The following DNAJC15 variants were observed in gnomAD, a reference collection of about 807,000 sequenced individuals.
DNAJC15 encodes the protein dnaJ homolog subfamily C member 15.
Under a neutral mutation model 22.4 loss-of-function variants are expected in DNAJC15, and 27 were observed. That is an observed-to-expected ratio of 1.20 (90% CI 0.89 to 1.66). The LOEUF (loss-of-function observed/expected upper bound fraction) is 1.66, where lower values mean the gene tolerates loss of function less well. DNAJC15 is among the 40% of genes most tolerant of loss of function. The pLI, the probability that DNAJC15 is intolerant of heterozygous loss-of-function variation, is 0.00. For missense variants in DNAJC15, 208 were observed against 187.1 expected, an observed-to-expected ratio of 1.11 and a Z score of -0.65; for synonymous variants, 79 against 63.2, an observed-to-expected ratio of 1.25 and a Z score of -1.19.
rs9590736 is a variant in DNAJC15, at chr13:43,059,488, C to T, written c.109-6198C>T. Among the ~76,000 whole-genome samples the T allele has an allele frequency of 6.4e-3, 977 of 152,236 alleles. 4 individuals are homozygous for T. The highest frequency in any genetic ancestry group is 0.022 in the African/African-American group (918 of 41,566). On this transcript the variant is annotated intron_variant, in intron 1 of 5. Transcript: ENST00000379221. ...CAAGCGATTCTCCTGTCTCAACCTC[C>T]CGAGTAGCTGGGATTACGGGCGTGC...
At position 43,078,651 on chromosome 13, in the gene DNAJC15, A is replaced by G; in HGVS notation, c.274A>G (p.Met92Val). The change falls in exon 4 of 6, where the codon ATG becomes GTG. Residue 92 changes from methionine to valine, a missense_variant. Met to Val is a conservative substitution (Grantham distance 21). Transcript: ENST00000379221. ...CTATAAAGGAGGATTTGAACAGAAAATGAGTAGGCGAGAAGCTGGTCTTAT... is the reference window on the plus strand; with the variant it reads ...CTATAAAGGAGGATTTGAACAGAAAGTGAGTAGGCGAGAAGCTGGTCTTAT... ...SYYKGGFEQK[M>V]SRREAGLILG... 6.2e-7 allele frequency: 1 copy of G among 1,613,710 alleles called. No individual in the cohort carries two copies. Among genetic ancestry groups the G allele is most frequent in the Middle Eastern group, 1.7e-4 (1 of 6,058 alleles).
At chr13:43,027,924 T>C (rs1335408791) in intron 1 of DNAJC15, among the ~76,000 whole-genome samples, 2 of 152,214 alleles carry the variant, frequency 1.3e-5, no homozygotes, top group Non-Finnish European at 1.5e-5. Flanking sequence ...CCCGAAGTGC[T>C]GGGATTTCAG....
chr13:43,069,446 A>G (rs1379999446), intron 3 of DNAJC15, among the ~76,000 whole-genome samples: 1 of 152,178 alleles, frequency 6.6e-6, no homozygotes, highest in Non-Finnish European at 1.5e-5. Flanking sequence ...TTATACCATC[A>G]TGCCTGGCCA....
intron 5 of DNAJC15, among the ~76,000 whole-genome samples, chr13:43,088,365 C>A (rs1218389806): frequency 6.6e-6 from 1 of 152,182 alleles, no homozygotes; most frequent in East Asian, 1.9e-4. Context: ...TCTGGGCTTT[C>A]TGCTCTGTCC....
intron 1 of DNAJC15, among the ~76,000 whole-genome samples, chr13:43,025,851 C>T (rs988886241): frequency 3.9e-5 from 6 of 152,264 alleles, no homozygotes; most frequent in African/African-American, 1.4e-4. Context: ...TTGCAGTGAG[C>T]GGAGATCATG....
intron 1 of DNAJC15, among the ~76,000 whole-genome samples, chr13:43,029,964 A>T (rs2040397235): frequency 6.6e-6 from 1 of 151,696 alleles, no homozygotes; most frequent in Non-Finnish European, 1.5e-5. Context: ...GAAATGTTAT[A>T]GAATGATGAA....
intron 3 of DNAJC15, among the ~76,000 whole-genome samples, chr13:43,072,581 A>ATT (rs140917513): frequency 8.1e-5 from 11 of 136,644 alleles, no homozygotes; most frequent in South Asian, 4.6e-4. Flanking sequence ...TCACATCAGC[A>ATT]TTTTTTTTTT....
At chr13:43,077,061 C>T (rs140083613) in intron 3 of DNAJC15, among the ~76,000 whole-genome samples, 58 of 152,326 alleles carry the variant, frequency 3.8e-4, no homozygotes, top group African/African-American at 1.3e-3. Context: ...ACTTCAGTCT[C>T]ATGGCTTTAA....
intron 5 of DNAJC15, among the ~76,000 whole-genome samples, chr13:43,091,149 A>T (rs1440020676): frequency 6.6e-6 from 1 of 151,798 alleles, no homozygotes; most frequent in Admixed American, 6.6e-5. Flanking sequence ...CAGTGGCACG[A>T]TCTCTGCTCA....
intron 1 of DNAJC15, among the ~76,000 whole-genome samples, chr13:43,041,725 G>A (rs1344029681): frequency 6.6e-6 from 1 of 152,230 alleles, no homozygotes; most frequent in Non-Finnish European, 1.5e-5. Flanking sequence ...CTATGATTCA[G>A]AAGTAGAGTA....
At chr13:43,044,410 C>G (rs566234399) in intron 1 of DNAJC15, among the ~76,000 whole-genome samples, 2 of 152,168 alleles carry the variant, frequency 1.3e-5, no homozygotes, top group East Asian at 3.9e-4. Context: ...ATACTCGTCA[C>G]GGCATATTGT....
intron 1 of DNAJC15, among the ~76,000 whole-genome samples, chr13:43,048,976 A>G (rs1303759101): frequency 7.0e-6 from 1 of 142,432 alleles, no homozygotes; most frequent in Non-Finnish European, 1.6e-5. Flanking sequence ...TTAAAGAATT[A>G]AAAAAAAAGC....
intron 1 of DNAJC15, among the ~76,000 whole-genome samples, chr13:43,043,355 C>T (rs192199333): frequency 1.0e-3 from 159 of 152,240 alleles, no homozygotes; most frequent in African/African-American, 3.5e-3. Context: ...TTGATCTACC[C>T]GCCTTGGTCT....
intron 1 of DNAJC15, among the ~76,000 whole-genome samples, chr13:43,056,720 A>G (rs528948150): frequency 6.6e-6 from 1 of 151,974 alleles, no homozygotes; most frequent in African/African-American, 2.4e-5. Context: ...TATATCTGGG[A>G]TTGTGGTATT....
intron 5 of DNAJC15, among the ~76,000 whole-genome samples, chr13:43,091,690 G>A (rs997129415): frequency 1.3e-5 from 2 of 151,744 alleles, no homozygotes; most frequent in Non-Finnish European, 2.9e-5. Context: ...TTTATTTGCT[G>A]TTCTTTTTCT....
chr13:43,095,817 A>G (rs1472364867), intron 5 of DNAJC15, among the ~76,000 whole-genome samples: 2 of 152,168 alleles, frequency 1.3e-5, no homozygotes, highest in Non-Finnish European at 2.9e-5. Flanking sequence ...TATTTTTTCC[A>G]CACTGGAAGA....
At chr13:43,054,995 C>T (rs1313203084) in intron 1 of DNAJC15, among the ~76,000 whole-genome samples, 1 of 151,762 alleles carries the variant, frequency 6.6e-6, no homozygotes, top group Non-Finnish European at 1.5e-5. Context: ...TCACAATGGG[C>T]CCCAGTAAAA....
chr13:43,099,665 A>C (rs2040757699), intron 5 of DNAJC15, among the ~76,000 whole-genome samples: 1 of 151,650 alleles, frequency 6.6e-6, no homozygotes, highest in African/African-American at 2.4e-5. Context: ...TTTTCTTTTG[A>C]TGAGACTCGA....
At chr13:43,100,793 A>G (rs1042100788) in intron 5 of DNAJC15, among the ~76,000 whole-genome samples, 1 of 152,164 alleles carries the variant, frequency 6.6e-6, no homozygotes, top group African/African-American at 2.4e-5. Context: ...AGTTTATAGT[A>G]TTAAGTCTTC....
Sources: gnomAD v4.1 joint callset for allele counts (sites outside exome capture counted in the v4.1 genomes callset) on GRCh38, gnomAD v4.1.1 for gene constraint, MANE v1.5 for transcripts, NCBI Gene and HGNC (gene_info 2026-07-23, HGNC 2026-07-21) for gene names.